ECPAS: variants seen among roughly 807,000 people sequenced by gnomAD.
ECPAS encodes the protein proteasome adapter and scaffold protein ECM29.
A neutral mutation model predicts 255.1 loss-of-function variants in ECPAS; 70 were observed. The ratio of observed to expected loss-of-function variants is 0.27; its 90% CI spans 0.23 to 0.33. The LOEUF (loss-of-function observed/expected upper bound fraction) is 0.33. ECPAS is among the 10% of genes least tolerant of loss of function. ECPAS has a pLI of 1.00. For missense variants in ECPAS, 1,817 were observed against 2,206.4 expected, an observed-to-expected ratio of 0.82 and a Z score of 3.54; for synonymous variants, 784 against 775.0, an observed-to-expected ratio of 1.01 and a Z score of -0.19.
intron 3 of ECPAS, among the ~76,000 whole-genome samples, chr9:111,448,927 CTTT>C (rs145581712): frequency 1.3e-5 from 2 of 151,162 alleles, no homozygotes; most frequent in African/African-American, 2.4e-5. Context: ...ATTTTTGGTT[CTTT>C]TTTTTTAACA....
In ECPAS at chr9:111,412,178, T is replaced by C. The variant is rs780360562; in HGVS notation, c.2080-30A>G. ...GCAGTATAAAAAAAAAACAAATATA[T>C]ACATGACACAGAACCACGTGCCTGA... On this transcript the variant is annotated intron_variant, in intron 20 of 49. Transcript: ENST00000684092. The C allele has an allele frequency of 5.3e-6, 8 of 1,521,440 alleles. No homozygotes were observed. The East Asian group carries it at 1.5e-4, about 28-fold the overall frequency. 94.2% of individuals were successfully genotyped at this position (1,521,440 alleles called of 1,614,324 possible).
chr9:111,361,293 T>C lies in ECPAS; in HGVS notation c.*737A>G, dbSNP rs764099019. 2 of 152,216 alleles carry C rather than the reference T, an allele frequency of 1.3e-5. No individual in the cohort carries two copies. The highest frequency in any genetic ancestry group is 2.9e-5 in the Non-Finnish European group (2 of 68,032). 9.4% of individuals were successfully genotyped at this position (152,216 alleles called of 1,614,324 possible). A position where few individuals can be genotyped will look rare whatever the true frequency, so the allele number is the denominator to read the frequency against. On this transcript the variant is annotated 3_prime_UTR_variant, in exon 50 of 50. Coordinates refer to ENST00000684092, the MANE Select transcript of ECPAS (RefSeq NM_001364929.1). The stretch of plus-strand genomic sequence containing the variant: ...TGTAAAAGGAAGACGATTGGAATTA[T>C]CCGAAGGAGACTGACTCTGTCCTCT...
intron 20 of ECPAS, among the ~76,000 whole-genome samples, chr9:111,413,303 T>C (rs545957230): frequency 4.1e-4 from 62 of 152,318 alleles, no homozygotes; most frequent in African/African-American, 1.3e-3. Flanking sequence ...ATTCATACAA[T>C]AAAAACTGAG....
chr9:111,458,673 C>T (rs2098269786), intron 2 of ECPAS, among the ~76,000 whole-genome samples: 1 of 151,876 alleles, frequency 6.6e-6, no homozygotes, highest in South Asian at 2.1e-4. Context: ...GAAATTGAGT[C>T]ACATGGGCAA....
rs2098148345 is a variant in ECPAS, at chr9:111,386,253, C to G, written c.3527+124G>C. ...TGCTGGGATCACAGGTGTGAGCCAC[C>G]ACGCCCGGCCAGCTTTTTAGTAGTT... On this transcript the variant is annotated intron_variant, in intron 32 of 49. Transcript: ENST00000684092. 10 of 700,158 alleles carry G rather than the reference C, an allele frequency of 1.4e-5. No individual in the cohort carries two copies. The South Asian group carries it at 1.5e-4, about 11-fold the overall frequency. The allele number at this position is 700,158 out of a possible 1,614,324, so 43.4% of individuals were successfully genotyped here.
At chr9:111,378,780 A>G (rs778313293) in intron 35 of ECPAS, 50 bp from the exon 36 acceptor site, 1 of 1,537,974 alleles carries the variant, frequency 6.5e-7, no homozygotes, top group Admixed American at 1.8e-5. Context: ...AAAAGTGAGA[A>G]GACCTACAAA....
intron 7 of ECPAS, among the ~76,000 whole-genome samples, chr9:111,435,812 T>G (rs2098237265): frequency 6.6e-6 from 1 of 150,622 alleles, no homozygotes; most frequent in African/African-American, 2.4e-5. Context: ...CCTGAATAGC[T>G]GGGACTACAG....
At chr9:111,399,989 C>T (rs2098173314) in intron 24 of ECPAS, among the ~76,000 whole-genome samples, 2 of 152,250 alleles carry the variant, frequency 1.3e-5, no homozygotes, top group African/African-American at 4.8e-5. Context: ...CAGCATGGTG[C>T]TAGCTGCTGT....
intron 13 of ECPAS, among the ~76,000 whole-genome samples, chr9:111,422,647 G>A (rs879036965): frequency 1.3e-5 from 2 of 152,116 alleles, no homozygotes; most frequent in African/African-American, 2.4e-5. Context: ...GTCTACACAG[G>A]CCAACACAAA....
At chr9:111,394,520 T>C (rs533466874) in intron 25 of ECPAS, among the ~76,000 whole-genome samples, 80 of 152,336 alleles carry the variant, frequency 5.3e-4, no homozygotes, top group Non-Finnish European at 7.4e-4. Flanking sequence ...AGTAACTTTT[T>C]AGTTCCTGAG....
rs755956351 is a variant in ECPAS at position 111,370,757 on chromosome 9, T to C, written c.4746A>G (p.Leu1582=). Residue 1582 remains leucine, a synonymous_variant, in exon 44 of 50, where the codon CTA becomes CTG. Transcript: ENST00000684092. ...AGRTWAGKEE[L]LKAIACVVTA... is the part of the protein sequence containing the mutation. ...TCACCACACAGGCAATGGCTTTCAA[T>C]AGCTCCTCCTAAGGGGTTGAAAGAT... The C allele has an allele frequency of 6.2e-7, 1 of 1,603,602 alleles. No homozygotes were observed. The highest frequency in any genetic ancestry group is 8.5e-7 in the Non-Finnish European group (1 of 1,174,794).
chr9:111,455,769 G>T (rs1018140137), intron 2 of ECPAS, among the ~76,000 whole-genome samples: 1 of 152,188 alleles, frequency 6.6e-6, no homozygotes, highest in African/African-American at 2.4e-5. Flanking sequence ...CATTTCAGAG[G>T]TGCTGTCACA....
chr9:111,362,082 T>C lies in ECPAS; in HGVS notation c.5468A>G (p.Glu1823Gly). The change falls in exon 50 of 50, where the codon GAA becomes GGA. Residue 1823 changes from glutamate (E) to glycine (G), a missense_variant. By Grantham distance (98) the Glu-to-Gly change is moderately conservative (BLOSUM62 -2). Around this residue, in one of 4 missense-constraint regions of ECPAS, gnomAD observed 960 missense variants for 1,179.0 expected, o/e 0.81. Transcript: ENST00000684092. ...LATMEPDSRP[E>G]LQEKAALLKK... ...CAGTAACGCTGCTTTCTCCTGCAGT[T>C]CAGGTCTGCTGTCTGGCTCCATAGT... 6.2e-7 allele frequency: 1 copy of C among 1,612,262 alleles called. No individual in the cohort carries two copies. Among genetic ancestry groups the C allele is most frequent in the Non-Finnish European group, 8.5e-7 (1 of 1,179,150 alleles).
In ECPAS at chr9:111,433,247, C is replaced by T; in HGVS notation, c.834G>A (p.Leu278=). ...HSVATAADLE[L]KSKQSLIDWN... ...GAAGTAGTTACCTCTGTTTGCTTTT[C>T]AATTCCAGGTCTGCTGCCGTTGCCA... The change falls in exon 8 of 50, where the codon TTG becomes TTA. Residue 278 remains leucine, a synonymous_variant. Coordinates refer to ENST00000684092, the MANE Select transcript of ECPAS (RefSeq NM_001364929.1). 1 of 1,613,900 alleles carries T rather than the reference C, an allele frequency of 6.2e-7. No individual in the cohort carries two copies. The highest frequency in any genetic ancestry group is 1.1e-5 in the South Asian group (1 of 91,070).
At chr9:111,363,757 A>C in intron 48 of ECPAS, 98 bp from the exon 49 acceptor site, 1 of 667,794 alleles carries the variant, frequency 1.5e-6, no homozygotes, top group African/African-American at 1.9e-5. Flanking sequence ...CAGAAATTAC[A>C]ACTCTAGGGA....
At chr9:111,413,010 G>C (rs74806262) in intron 20 of ECPAS, among the ~76,000 whole-genome samples, 7,197 of 152,156 alleles carry the variant, frequency 0.047, 568 homozygotes, top group African/African-American at 0.16. Context: ...TGAGTATCTT[G>C]TATTTTTATT....
At chr9:111,434,513 G>A (rs546569334) in intron 7 of ECPAS, among the ~76,000 whole-genome samples, 18 of 151,616 alleles carry the variant, frequency 1.2e-4, no homozygotes, top group African/African-American at 3.1e-4. Flanking sequence ...TGTTTAAAAC[G>A]GTGAACACAC....
chr9:111,483,382 G>T, intron 1 of ECPAS: 1 of 301,218 alleles, frequency 3.3e-6, no homozygotes, highest in Non-Finnish European at 4.9e-6. Flanking sequence ...CCAGCTCCCC[G>T]TACGCCGCGG....
chr9:111,386,305 TAA>T, intron 32 of ECPAS, 70 bp downstream of exon 32: 1 of 1,000,404 alleles, frequency 1.0e-6, no homozygotes, highest in Non-Finnish European at 1.5e-6. Flanking sequence ...GCACAAAGTA[TAA>T]AACCTAGAAA....
Sources: gnomAD v4.1 joint callset for allele counts (sites outside exome capture counted in the v4.1 genomes callset) on GRCh38, gnomAD v4.1.1 for gene constraint, gnomAD v4.1.1 regional missense constraint, MANE v1.5 for transcripts, NCBI Gene and HGNC (gene_info 2026-07-23, HGNC 2026-07-21) for gene names.